Variants in GDPD4 observed in about 807,000 individuals in gnomAD.
GDPD4 encodes glycerophosphodiester phosphodiesterase 6.
Under a neutral mutation model 67.8 loss-of-function variants are expected in GDPD4, and 60 were observed. That is an observed-to-expected ratio of 0.88 (90% confidence interval 0.72 to 1.10). The LOEUF (loss-of-function observed/expected upper bound fraction) is 1.10. Ranked by LOEUF, GDPD4 falls within the 50% of genes least tolerant of loss-of-function variation. The probability of loss-of-function intolerance (pLI) is 0.00; values close to 1 mark genes in which losing one functional copy is unlikely to be tolerated. For missense variants in GDPD4, 623 were observed against 613.9 expected (o/e 1.01, Z -0.16); for synonymous variants, 212 against 210.9 (o/e 1.00, Z -0.04).
At chr11:77,225,817 A>G (rs764471324) in intron 16 of GDPD4, among the ~76,000 whole-genome samples, 21 of 152,204 alleles carry the variant, frequency 1.4e-4, no homozygotes, top group Middle Eastern at 3.2e-3. Flanking sequence ...CTCCGTATTT[A>G]GCAAATGAGG....
At chr11:77,235,145 G>A (rs150536171) in intron 13 of GDPD4, among the ~76,000 whole-genome samples, 1 of 146,590 alleles carries the variant, frequency 6.8e-6, no homozygotes, top group East Asian at 2.1e-4. Context: ...TCATATGTTT[G>A]TTAGTTGCTT....
At chr11:77,290,522 T>C (rs1565546475) in intron 1 of GDPD4, among the ~76,000 whole-genome samples, 3 of 152,018 alleles carry the variant, frequency 2.0e-5, no homozygotes, top group East Asian at 1.9e-4. Context: ...TGATTGACCA[T>C]TGGTCAATGA....
intron 3 of GDPD4, among the ~76,000 whole-genome samples, chr11:77,284,853 G>T (rs984845807): frequency 5.9e-5 from 9 of 152,210 alleles, no homozygotes; most frequent in Non-Finnish European, 1.2e-4. Context: ...TACTGAGCCA[G>T]ATTTAGTCTA....
chr11:77,254,121 C>A (rs563689074), intron 11 of GDPD4, among the ~76,000 whole-genome samples: 2 of 152,140 alleles, frequency 1.3e-5, no homozygotes, highest in African/African-American at 2.4e-5. Flanking sequence ...ATGTAGGCCA[C>A]GGGGCAGGCA....
chr11:77,227,829 G>A, intron 16 of GDPD4, 35 bp downstream of exon 16: 5 of 1,517,998 alleles, frequency 3.3e-6, no homozygotes, highest in Non-Finnish European at 4.6e-6. Flanking sequence ...GGGTAGGGAT[G>A]AAGAGACAGG....
At chr11:77,249,797 G>C (rs1386368771) in intron 11 of GDPD4, among the ~76,000 whole-genome samples, 1 of 152,166 alleles carries the variant, frequency 6.6e-6, no homozygotes, top group Non-Finnish European at 1.5e-5. Context: ...TACGTTTTTT[G>C]ATGTAGGCAT....
At chr11:77,287,480 C>T (rs1447857432) in intron 1 of GDPD4, 60 bp from the exon 2 acceptor site, 1 of 152,102 alleles carries the variant, frequency 6.6e-6, no homozygotes, top group Non-Finnish European at 1.5e-5. Flanking sequence ...TACCTTATCC[C>T]ACCATTCTAC....
chr11:77,293,078 C>T (rs924294963), intron 1 of GDPD4, among the ~76,000 whole-genome samples: 2 of 152,082 alleles, frequency 1.3e-5, no homozygotes, highest in African/African-American at 4.8e-5. Context: ...AGAAATAATA[C>T]CAATTCTATA....
chr11:77,258,375 A>C lies in GDPD4; in HGVS notation c.864+11T>G. 1.2e-6 allele frequency: 2 copies of C among 1,613,444 alleles called. No homozygotes were observed. Among genetic ancestry groups the C allele is most frequent in the Non-Finnish European group, 1.7e-6 (2 of 1,179,424 alleles). Reference sequence around the variant, plus strand: ...CAATGCAGGTTTGTGGAACTTGGGAATGTGTCTTACCTCTGGTTTTACAAA... The same window carrying C: ...CAATGCAGGTTTGTGGAACTTGGGACTGTGTCTTACCTCTGGTTTTACAAA... On this transcript the variant is annotated intron_variant, in intron 11 of 16. Coordinates refer to ENST00000315938, the MANE Select transcript of GDPD4 (RefSeq NM_182833.3).
chr11:77,216,781 C>G lies in GDPD4; in HGVS notation c.*496G>C, dbSNP rs900369773. 3 of 604,610 alleles carry G rather than the reference C, an allele frequency of 5.0e-6. No homozygotes were observed. In the East Asian group the frequency reaches 8.2e-5, roughly 17 times the overall value. The allele number at this position is 604,610 out of a possible 1,614,324, so 37.5% of individuals were successfully genotyped here. ...GTGTGCCTTTATCAACCACTCCCCA[C>G]CATCACCACCCTTAGGCAGAGAGAG... On this transcript the variant is annotated 3_prime_UTR_variant, in exon 17 of 17. Transcript: ENST00000315938.
chr11:77,244,121 T>C (rs1210163489), intron 12 of GDPD4, among the ~76,000 whole-genome samples: 3 of 152,232 alleles, frequency 2.0e-5, no homozygotes, highest in Non-Finnish European at 2.9e-5. Flanking sequence ...GTTCATACCA[T>C]TCTCCTGCCT....
chr11:77,229,621 G>C (rs951784557), intron 14 of GDPD4, among the ~76,000 whole-genome samples: 1 of 152,190 alleles, frequency 6.6e-6, no homozygotes, highest in Non-Finnish European at 1.5e-5. Flanking sequence ...GTGCAGCCAA[G>C]TCTCCCGGGG....
intron 10 of GDPD4, among the ~76,000 whole-genome samples, chr11:77,261,436 C>T (rs1385271589): frequency 6.6e-6 from 1 of 152,096 alleles, no homozygotes; most frequent in Admixed American, 6.6e-5. Context: ...TGGGGTTTCA[C>T]CATGTTGGCC....
At chr11:77,289,446 C>T (rs1359152688) in intron 1 of GDPD4, among the ~76,000 whole-genome samples, 1 of 148,334 alleles carries the variant, frequency 6.7e-6, no homozygotes, top group African/African-American at 2.5e-5. Flanking sequence ...GGCCGGCTGG[C>T]CATAGTGGCT....
intron 1 of GDPD4, among the ~76,000 whole-genome samples, chr11:77,300,355 T>A (rs1234341347): frequency 6.6e-6 from 1 of 152,194 alleles, no homozygotes; most frequent in African/African-American, 2.4e-5. Flanking sequence ...CATTGCTCCA[T>A]ATGTAAGGGT....
intron 14 of GDPD4, among the ~76,000 whole-genome samples, chr11:77,231,714 G>C (rs1302370287): frequency 1.3e-5 from 2 of 152,126 alleles, no homozygotes; most frequent in African/African-American, 4.8e-5. Flanking sequence ...CTGATTCAGG[G>C]GATAGGATTA....
intron 11 of GDPD4, among the ~76,000 whole-genome samples, chr11:77,245,850 T>C (rs1319456607): frequency 6.6e-6 from 1 of 152,206 alleles, no homozygotes; most frequent in African/African-American, 2.4e-5. Context: ...ATTCTAGTTT[T>C]GTGTAATAGG....
intron 11 of GDPD4, among the ~76,000 whole-genome samples, chr11:77,255,168 T>TA (rs34894831): frequency 0.54 from 82,325 of 151,830 alleles, 23,271 homozygotes; most frequent in Middle Eastern, 0.64. Context: ...CTATTAATGC[T>TA]AAAAAAATGC....
intron 1 of GDPD4, among the ~76,000 whole-genome samples, chr11:77,297,755 A>G (rs1487123004): frequency 6.6e-6 from 1 of 152,072 alleles, no homozygotes; most frequent in East Asian, 1.9e-4. Context: ...TTCTGGAAAT[A>G]CTGTAAACTG....
Sources: allele counts gnomAD v4.1 joint callset (sites outside exome capture counted in the v4.1 genomes callset), GRCh38; gene constraint gnomAD v4.1.1; transcripts MANE v1.5; gene names NCBI Gene and HGNC (gene_info 2026-07-23, HGNC 2026-07-21).